The following MAEL variants were observed in gnomAD, a reference collection of about 807,000 sequenced individuals.
MAEL encodes the protein protein maelstrom homolog.
A neutral mutation model predicts 62.0 loss-of-function variants in MAEL; 46 were observed. The ratio of observed to expected loss-of-function variants is 0.74; its 90% CI spans 0.59 to 0.95. MAEL has a LOEUF of 0.95. Ranked by LOEUF, MAEL falls within the 40% of genes least tolerant of loss-of-function variation. The pLI, the probability that MAEL is intolerant of heterozygous loss-of-function variation, is 0.00. For missense variants in MAEL, 497 were observed against 526.8 expected (o/e 0.94, Z 0.55); for synonymous variants, 172 against 175.5 (o/e 0.98, Z 0.16).
At chr1:166,987,636 A>G (rs1182796701), upstream of MAEL, among the ~76,000 whole-genome samples, 1 of 152,252 alleles carries the variant, frequency 6.6e-6, no homozygotes, top group African/African-American at 2.4e-5. Flanking sequence ...TTTTATACCA[A>G]TACACTAGAA....
chr1:167,004,215 G>C lies in MAEL; in HGVS notation c.559G>C (p.Glu187Gln), dbSNP rs758513737. Residue 187 changes from glutamate (E) to glutamine (Q), a missense_variant, in exon 6 of 12, where the codon GAA becomes CAA. Physicochemically the swap from Glu to Gln is conservative, Grantham distance 29. Coordinates refer to ENST00000367872, the MANE Select transcript of MAEL (RefSeq NM_032858.3). The stretch of plus-strand genomic sequence containing the variant: ...TCACAAGATTCCTATTTCAAATTTT[G>C]AACGTGGGCATAACCAAGCAACTGT... ...SSHKIPISNFERGHNQATVLQ... is the reference protein window; with the variant it reads ...SSHKIPISNFQRGHNQATVLQ... The C allele has an allele frequency of 1.8e-5, 29 of 1,608,860 alleles. No individual in the cohort carries two copies. Among genetic ancestry groups the C allele is most frequent in the Non-Finnish European group, 2.5e-5 (29 of 1,177,700 alleles).
At chr1:166,977,269 C>A (rs569735584) in intron 1 of MAEL, among the ~76,000 whole-genome samples, 2 of 152,258 alleles carry the variant, frequency 1.3e-5, no homozygotes, top group African/African-American at 4.8e-5. Context: ...ATGATTTTTT[C>A]ATGCTATGTA....
chr1:167,007,190 C>G (rs1664951327), intron 8 of MAEL, among the ~76,000 whole-genome samples: 1 of 150,564 alleles, frequency 6.6e-6, no homozygotes, highest in East Asian at 1.9e-4. Context: ...TTTATATGAG[C>G]ATGGACTCAT....
At chr1:167,020,460 T>C (rs556149164) in intron 10 of MAEL, among the ~76,000 whole-genome samples, 9 of 152,280 alleles carry the variant, frequency 5.9e-5, no homozygotes, top group African/African-American at 1.9e-4. Context: ...AAGGGGCCTT[T>C]ATTGTTGCCT....
rs369981337 is a variant in MAEL, at chr1:167,005,268, A to G, written c.716A>G (p.Asp239Gly). 8 of 1,613,138 alleles carry G rather than the reference A, an allele frequency of 5.0e-6. No homozygotes were observed. Among genetic ancestry groups the G allele is most frequent in the Non-Finnish European group, 6.8e-6 (8 of 1,179,680 alleles). The change falls in exon 8 of 12, where the codon GAT (aspartate) becomes GGT (glycine). Residue 239 changes from aspartate to glycine, a missense_variant. Transcript: ENST00000367872. The stretch of plus-strand genomic sequence containing the variant: ...TTACTAATGGAAGAAATCAGGCAAG[A>G]TCTACAACTTCTCACTGTAGAGGAC... The part of the protein sequence containing the change: ...HMAKASEIRQ[D>G]LQLLTVEDLV...
chr1:166,992,736 C>T lies in MAEL; in HGVS notation c.376C>T (p.Leu126=). ...TTTGAACATTTTTAGCCATGGCGAG[C>T]TACCTCCTCATTGTGAACAGCGCTT... is the stretch of plus-strand genomic sequence containing the variant. ...YFLNIFSHGE[L]PPHCEQRFLP... The change falls in exon 4 of 12, where the codon CTA becomes TTA. Residue 126 remains leucine (L), a synonymous_variant. Transcript: ENST00000367872. 1.2e-6 allele frequency: 2 copies of T among 1,608,426 alleles called. No individual in the cohort carries two copies. The highest frequency in any genetic ancestry group is 1.7e-6 in the Non-Finnish European group (2 of 1,178,262).
Position 167,016,268 on chromosome 1 carries a change from G to A in MAEL, c.892G>A (p.Val298Ile). The change falls in exon 9 of 12, where the codon GTT (valine) becomes ATT (isoleucine). Residue 298 changes from valine to isoleucine, a missense_variant. Coordinates refer to ENST00000367872, the MANE Select transcript of MAEL (RefSeq NM_032858.3). ...TGATATTCTCTTCTGTGCTTTAGCT[G>A]TTTGCAAGAAGATTGCGTAAGTTGG... ...ENDILFCALAVCKKIAYCISN... is the reference protein window; with the variant it reads ...ENDILFCALAICKKIAYCISN... 1 of 1,613,658 alleles carries A rather than the reference G, an allele frequency of 6.2e-7. No homozygotes were observed. The highest frequency in any genetic ancestry group is 1.7e-5 in the Admixed American group (1 of 59,946).
Position 167,022,088 on chromosome 1 carries a change from T to C in MAEL, c.*233T>C. Reference sequence around the variant, plus strand: ...CCTGGCTGTATGATGGGTATATCATTAAAGTTTGGAGTCCTATATGAACAA... The same window carrying C: ...CCTGGCTGTATGATGGGTATATCATCAAAGTTTGGAGTCCTATATGAACAA... On this transcript the variant is annotated 3_prime_UTR_variant, in exon 12 of 12. Coordinates refer to ENST00000367872, the MANE Select transcript of MAEL (RefSeq NM_032858.3). 1 of 430,524 alleles carries C rather than the reference T, an allele frequency of 2.3e-6. No individual in the cohort carries two copies. The highest frequency in any genetic ancestry group is 4.1e-6 in the Non-Finnish European group (1 of 243,438). 26.7% of individuals were successfully genotyped at this position (430,524 alleles called of 1,614,324 possible). A position where few individuals can be genotyped will look rare whatever the true frequency, so the allele number is the denominator to read the frequency against.
At chr1:167,010,104 C>G (rs1665104861) in intron 8 of MAEL, among the ~76,000 whole-genome samples, 1 of 152,096 alleles carries the variant, frequency 6.6e-6, no homozygotes, top group Non-Finnish European at 1.5e-5. Context: ...TGGCGGTTCC[C>G]CCATGCTGTT....
At chr1:166,999,930 G>T (rs1000674636) in intron 5 of MAEL, among the ~76,000 whole-genome samples, 1 of 151,844 alleles carries the variant, frequency 6.6e-6, no homozygotes, top group African/African-American at 2.4e-5. Context: ...ATGGTTTACT[G>T]AATATTTTAA....
At chr1:166,998,905 A>G (rs147507672) in intron 5 of MAEL, among the ~76,000 whole-genome samples, 98 of 152,296 alleles carry the variant, frequency 6.4e-4, no homozygotes, top group Non-Finnish European at 1.0e-3. Context: ...ATCTGTGATC[A>G]GTGATCCTTG....
intron 1 of MAEL, among the ~76,000 whole-genome samples, chr1:166,979,575 A>G (rs1240691841): frequency 1.3e-5 from 2 of 152,272 alleles, no homozygotes; most frequent in Non-Finnish European, 2.9e-5. Context: ...AAAACAAAAC[A>G]AAACAAAATC....
intron 5 of MAEL, among the ~76,000 whole-genome samples, chr1:167,002,282 T>G (rs1664702470): frequency 2.0e-5 from 3 of 152,222 alleles, no homozygotes; most frequent in South Asian, 2.1e-4. Context: ...GGGAATAGAT[T>G]TTAAGATTTT....
chr1:166,995,237 T>G (rs1313370454), intron 5 of MAEL, among the ~76,000 whole-genome samples: 1 of 151,916 alleles, frequency 6.6e-6, no homozygotes, highest in Non-Finnish European at 1.5e-5. Context: ...GTTCTAGTAG[T>G]TCCTTTTTTG....
chr1:166,989,533 C>A (rs771769154), intron 1 of MAEL, 49 bp downstream of exon 1: 1 of 1,563,686 alleles, frequency 6.4e-7, no homozygotes, highest in South Asian at 1.2e-5. Flanking sequence ...TTGGGCAAGC[C>A]GGAGGGTGAG....
Position 166,989,393 on chromosome 1 carries a change from T to C in MAEL, c.41T>C (p.Phe14Ser), listed in dbSNP as rs1664057905. Residue 14 changes from phenylalanine to serine, a missense_variant, in exon 1 of 12, where the codon TTC (phenylalanine) becomes TCC (serine). By Grantham distance (155) the Phe-to-Ser change is radical. Transcript: ENST00000367872. Reference protein sequence around the residue: ...RKASRNAYYFFVQEKIPELRR... With the variant: ...RKASRNAYYFSVQEKIPELRR... The stretch of plus-strand genomic sequence containing the variant: ...GCCAGCCGGAATGCTTACTATTTCT[T>C]CGTGCAGGAGAAGATCCCCGAACTA... 6.2e-7 allele frequency: 1 copy of C among 1,607,872 alleles called. No homozygotes were observed. Among genetic ancestry groups the C allele is most frequent in the Non-Finnish European group, 8.5e-7 (1 of 1,177,440 alleles).
intron 8 of MAEL, among the ~76,000 whole-genome samples, chr1:167,006,555 A>ATAG (rs1301695825): frequency 2.7e-5 from 4 of 145,978 alleles, no homozygotes; most frequent in Admixed American, 1.4e-4. Context: ...CTTGTTTAAT[A>ATAG]TAGTACCTAT....
chr1:167,021,136 G>A lies in MAEL; in HGVS notation c.1093G>A (p.Glu365Lys), dbSNP rs746732357. The change falls in exon 11 of 12, where the codon GAA becomes AAA. Residue 365 changes from glutamate to lysine, a missense_variant. Coordinates refer to ENST00000367872, the MANE Select transcript of MAEL (RefSeq NM_032858.3). Reference protein sequence around the residue: ...GFSHFNSSNEEQRSNTPIGDY... With the variant: ...GFSHFNSSNEKQRSNTPIGDY... ...CTCTCATTTCAACTCTTCTAATGAG[G>A]AACAAAGATCAAACACACCCATTGG... 11 of 1,612,176 alleles carry A rather than the reference G, an allele frequency of 6.8e-6. No homozygotes were observed. Among genetic ancestry groups the A allele is most frequent in the East Asian group, 6.7e-5 (3 of 44,750 alleles).
chr1:166,990,504 A>AT (rs1376539413), intron 2 of MAEL: 2 of 152,158 alleles, frequency 1.3e-5, no homozygotes, highest in Admixed American at 1.3e-4. Context: ...AAAGTAAAAA[A>AT]TAAAAAAAGC....
Sources: gnomAD v4.1 joint callset for allele counts (sites outside exome capture counted in the v4.1 genomes callset) on GRCh38, gnomAD v4.1.1 for gene constraint, MANE v1.5 for transcripts, NCBI Gene and HGNC (gene_info 2026-07-23, HGNC 2026-07-21) for gene names.